INHBE: variants seen among roughly 807,000 people sequenced by gnomAD.
INHBE encodes inhibin subunit beta E, also known as inhibin beta E chain.
A neutral mutation model predicts 27.8 loss-of-function variants in INHBE; 19 were observed. That is an observed-to-expected ratio of 0.68 (90% CI 0.48 to 1.00). The LOEUF is 1.00. Among genes scored for constraint, INHBE ranks in the 50% least tolerant of loss-of-function variants. The pLI, the probability that INHBE is intolerant of heterozygous loss-of-function variation, is 0.00. For missense variants in INHBE, 398 were observed against 433.9 expected (o/e 0.92, Z 0.73); for synonymous variants, 196 against 187.2 (o/e 1.05, Z -0.38).
Position 57,456,689 on chromosome 12 carries a change from C to G in INHBE, c.894C>G (p.Val298=). 1 of 1,614,244 alleles carries G rather than the reference C, an allele frequency of 6.2e-7. No individual in the cohort carries two copies. Among genetic ancestry groups the G allele is most frequent in the Non-Finnish European group, 8.5e-7 (1 of 1,180,054 alleles). The change falls in exon 2 of 2, where the codon GTC becomes GTG. Residue 298 remains valine, a synonymous_variant. Transcript: ENST00000266646. ...TTGCTGCCTCTTTCCATTCTGCCGT[C>G]TTCAGCCTCCTCAAAGCCAACAATC... ...PGIAASFHSA[V]FSLLKANNPW...
In INHBE at chr12:57,457,094, A is replaced by T; in HGVS notation, c.*246A>T. ...TTCTTCTAAAGGGGTCTACCCAGAA[A>T]GCATGATTTCCTGCCCTAAGTCCTG... On this transcript the variant is annotated 3_prime_UTR_variant, in exon 2 of 2. Coordinates refer to ENST00000266646, the MANE Select transcript of INHBE (RefSeq NM_031479.5). 2.5e-6 allele frequency: 1 copy of T among 405,172 alleles called. No homozygotes were observed. Among genetic ancestry groups the T allele is most frequent in the Non-Finnish European group, 4.5e-6 (1 of 222,280 alleles). The allele number at this position is 405,172 out of a possible 1,614,324, so 25.1% of individuals were successfully genotyped here.
rs758073573 is a variant in INHBE at position 57,456,316 on chromosome 12, C to T, written c.521C>T (p.Pro174Leu). ...TNLGWHTLTL[P>L]SSGLRGEKSG... ...CTGGGCTGGCATACCTTAACTCTGC[C>T]CTCTAGTGGCTTGAGGGGTGAGAAG... Residue 174 changes from proline to leucine, a missense_variant, in exon 2 of 2, where the codon CCC (proline) becomes CTC (leucine). Transcript: ENST00000266646. 46 of 1,614,058 alleles carry T rather than the reference C, an allele frequency of 2.8e-5. No individual in the cohort carries two copies. The highest frequency in any genetic ancestry group is 3.7e-5 in the Non-Finnish European group (44 of 1,180,030).
At chr12:57,456,071 T>C (rs199733147) in intron 1 of INHBE, 23 bp from the exon 2 acceptor site, 1 of 1,588,750 alleles carries the variant, frequency 6.3e-7, no homozygotes, top group Non-Finnish European at 8.6e-7. Flanking sequence ...ACATTTTCTT[T>C]CCCTTTTCTG....
chr12:57,457,110 C>A lies in INHBE; in HGVS notation c.*262C>A. ...TACCCAGAAAGCATGATTTCCTGCC[C>A]TAAGTCCTGTGAGAAGATGTCAGGG... On this transcript the variant is annotated 3_prime_UTR_variant, in exon 2 of 2. Coordinates refer to ENST00000266646, the MANE Select transcript of INHBE (RefSeq NM_031479.5). The A allele has an allele frequency of 3.2e-6, 1 of 312,786 alleles. No individual in the cohort carries two copies. Among genetic ancestry groups the A allele is most frequent in the Non-Finnish European group, 6.1e-6 (1 of 165,028 alleles). The allele number at this position is 312,786 out of a possible 1,614,324, so 19.4% of individuals were successfully genotyped here.
chr12:57,456,894 C>G lies in INHBE; in HGVS notation c.*46C>G. ...GAGTGAAGAGACCAAGATGAAGTTTCCCAGGCACAGGGCATCTGTGACTGG... is the reference window on the plus strand; with the variant it reads ...GAGTGAAGAGACCAAGATGAAGTTTGCCAGGCACAGGGCATCTGTGACTGG... On this transcript the variant is annotated 3_prime_UTR_variant, in exon 2 of 2. Coordinates refer to ENST00000266646, the MANE Select transcript of INHBE (RefSeq NM_031479.5). The G allele has an allele frequency of 3.8e-6, 6 of 1,567,414 alleles. No homozygotes were observed. The highest frequency in any genetic ancestry group is 5.2e-6 in the Non-Finnish European group (6 of 1,155,996).
At chr12:57,455,942 G>C (rs764600775) in intron 1 of INHBE, 108 bp downstream of exon 1, 72 of 1,378,136 alleles carry the variant, frequency 5.2e-5, no homozygotes, top group Non-Finnish European at 7.1e-5. Context: ...AGAAGGAGGA[G>C]CTGGGGCAGG....
chr12:57,456,091 C>A lies in INHBE; in HGVS notation c.299-3C>A. 6.2e-7 allele frequency: 1 copy of A among 1,602,286 alleles called. No individual in the cohort carries two copies. ...TTCTTTCCCTTTTCTGTCTTTCGGG[C>A]AGACTCCACTTCAGCCTACAGCTCC... is the stretch of plus-strand genomic sequence containing the variant. On this transcript the variant is annotated splice_region_variant and splice_polypyrimidine_tract_variant and intron_variant, in intron 1 of 1. Coordinates refer to ENST00000266646, the MANE Select transcript of INHBE (RefSeq NM_031479.5).
In INHBE at chr12:57,456,749, T is replaced by C. The variant is rs1870846256; in HGVS notation, c.954T>C (p.Thr318=). The C allele has an allele frequency of 6.2e-7, 1 of 1,614,240 alleles. No homozygotes were observed. Residue 318 remains threonine (T), a synonymous_variant, in exon 2 of 2, where the codon ACT becomes ACC. Coordinates refer to ENST00000266646, the MANE Select transcript of INHBE (RefSeq NM_031479.5). The stretch of plus-strand genomic sequence containing the variant: ...CCAGTACCTCCTGTTGTGTCCCTAC[T>C]GCCCGAAGGCCCCTCTCTCTCCTCT... The part of the protein sequence containing the change: ...WPASTSCCVP[T]ARRPLSLLYL...
rs1278567250 is a variant in INHBE, at chr12:57,456,633, T to C, written c.838T>C (p.Cys280Arg). 2 of 1,614,162 alleles carry C rather than the reference T, an allele frequency of 1.2e-6. No homozygotes were observed. The highest frequency in any genetic ancestry group is 1.7e-5 in the Admixed American group (1 of 60,026). The change falls in exon 2 of 2, where the codon TGC (cysteine) becomes CGC (arginine). Residue 280 changes from cysteine to arginine, a missense_variant. Coordinates refer to ENST00000266646, the MANE Select transcript of INHBE (RefSeq NM_031479.5). ...GYQLNYCSGQCPPHLAGSPGI... is the reference protein window; with the variant it reads ...GYQLNYCSGQRPPHLAGSPGI... The stretch of plus-strand genomic sequence containing the variant: ...CCAGCTGAATTACTGCAGTGGGCAG[T>C]GCCCTCCCCACCTGGCTGGCAGCCC...
Position 57,456,970 on chromosome 12 carries a change from T to C in INHBE, c.*122T>C. On this transcript the variant is annotated 3_prime_UTR_variant, in exon 2 of 2. Coordinates refer to ENST00000266646, the MANE Select transcript of INHBE (RefSeq NM_031479.5). ...CCAACCCAACAACCACCTGGCAATA[T>C]GACTCACTTGACCCCTATGGGACCC... is the stretch of plus-strand genomic sequence containing the variant. 9.0e-7 allele frequency: 1 copy of C among 1,107,568 alleles called. No homozygotes were observed. Among genetic ancestry groups the C allele is most frequent in the Non-Finnish European group, 1.3e-6 (1 of 780,456 alleles). 68.6% of individuals were successfully genotyped at this position (1,107,568 alleles called of 1,614,324 possible).
Position 57,456,341 on chromosome 12 carries a change from G to T in INHBE, c.546G>T (p.Lys182Asn). The change falls in exon 2 of 2, where the codon AAG (lysine) becomes AAT (asparagine). Residue 182 changes from lysine (K) to asparagine (N), a missense_variant. By Grantham distance (94) the Lys-to-Asn change is moderately conservative (BLOSUM62 0). Coordinates refer to ENST00000266646, the MANE Select transcript of INHBE (RefSeq NM_031479.5). Reference sequence around the variant, plus strand: ...CCTCTAGTGGCTTGAGGGGTGAGAAGTCTGGTGTCCTGAAACTGCAACTAG... The same window carrying T: ...CCTCTAGTGGCTTGAGGGGTGAGAATTCTGGTGTCCTGAAACTGCAACTAG... ...TLPSSGLRGEKSGVLKLQLDC... is the reference protein window; with the variant it reads ...TLPSSGLRGENSGVLKLQLDC... The T allele has an allele frequency of 6.2e-7, 1 of 1,614,134 alleles. No homozygotes were observed. The highest frequency in any genetic ancestry group is 8.5e-7 in the Non-Finnish European group (1 of 1,180,030).
rs1566553932 is a variant in INHBE, at chr12:57,456,520, CTGCGACCCCCTTATGT to C, written c.729_744del (p.Thr244GlyfsTer6). On this transcript the variant is annotated frameshift_variant, in exon 2 of 2. Transcript: ENST00000266646. LOFTEE classifies it high-confidence loss of function. ...AGGAGGAGGACCCCCACCTGTGAGC[CTGCGACCCCCTTATGT>C]TGCAGGCGAGACCATTACGTAGACT... 4 of 1,614,072 alleles carry C rather than the reference CTGCGACCCCCTTATGT, an allele frequency of 2.5e-6. No individual in the cohort carries two copies. Among genetic ancestry groups the C allele is most frequent in the Non-Finnish European group, 2.5e-6 (3 of 1,180,040 alleles).
At position 57,455,585 on chromosome 12, in the gene INHBE, G is replaced by A. The variant is rs143467096; in HGVS notation, c.49G>A (p.Val17Met). ...QLWLVLLWAL[V>M]RAQGTGSVCP... ...CTGGCTGGTGCTGCTGTGGGCACTGGTGCGAGCACAGGGGACAGGGTCTGT... is the reference window on the plus strand; with the variant it reads ...CTGGCTGGTGCTGCTGTGGGCACTGATGCGAGCACAGGGGACAGGGTCTGT... Residue 17 changes from valine (V) to methionine (M), a missense_variant, in exon 1 of 2, where the codon GTG (valine) becomes ATG (methionine). Coordinates refer to ENST00000266646, the MANE Select transcript of INHBE (RefSeq NM_031479.5). The A allele has an allele frequency of 3.1e-6, 5 of 1,613,702 alleles. No individual in the cohort carries two copies. The highest frequency in any genetic ancestry group is 3.4e-6 in the Non-Finnish European group (4 of 1,179,956).
chr12:57,457,152 G>A lies in INHBE; in HGVS notation c.*304G>A. 1.0e-5 allele frequency: 3 copies of A among 288,734 alleles called. No individual in the cohort carries two copies. The highest frequency in any genetic ancestry group is 6.2e-5 in the South Asian group (1 of 16,228). The allele number at this position is 288,734 out of a possible 1,614,324, so 17.9% of individuals were successfully genotyped here. A position where few individuals can be genotyped will look rare whatever the true frequency, so the allele number is the denominator to read the frequency against. Reference sequence around the variant, plus strand: ...ATGTCAGGGACTAGGGAGGGAGGGAGGGAAGGCAGAGAAAAATTACTTAGC... The same window carrying A: ...ATGTCAGGGACTAGGGAGGGAGGGAAGGAAGGCAGAGAAAAATTACTTAGC... On this transcript the variant is annotated 3_prime_UTR_variant, in exon 2 of 2. Coordinates refer to ENST00000266646, the MANE Select transcript of INHBE (RefSeq NM_031479.5).
At position 57,455,632 on chromosome 12, in the gene INHBE, C is replaced by T. The variant is rs746589836; in HGVS notation, c.96C>T (p.Ser32=). Residue 32 remains serine (S), a synonymous_variant, in exon 1 of 2, where the codon TCC becomes TCT. Coordinates refer to ENST00000266646, the MANE Select transcript of INHBE (RefSeq NM_031479.5). ...CTGTGTGTCCCTCCTGTGGGGGCTC[C>T]AAACTGGCACCCCAAGCAGAACGAG... is the stretch of plus-strand genomic sequence containing the variant. ...TGSVCPSCGG[S]KLAPQAERAL... is the part of the protein sequence containing the mutation. 1 of 1,614,074 alleles carries T rather than the reference C, an allele frequency of 6.2e-7. No individual in the cohort carries two copies. The highest frequency in any genetic ancestry group is 8.5e-7 in the Non-Finnish European group (1 of 1,180,000).
Position 57,456,587 on chromosome 12 carries a change from G to A in INHBE, c.792G>A (p.Trp264Ter). Residue 264 changes from tryptophan to a stop codon, truncating the protein, a stop_gained, in exon 2 of 2, where the codon TGG (tryptophan) becomes TGA (stop). Coordinates refer to ENST00000266646, the MANE Select transcript of INHBE (RefSeq NM_031479.5). LOFTEE classifies it high-confidence loss of function. ...VDFQELGWRD[W>*]ILQPEGYQLN... ...TCCAGGAACTGGGATGGCGGGACTG[G>A]ATACTGCAGCCCGAGGGGTACCAGC... 1 of 1,614,162 alleles carries A rather than the reference G, an allele frequency of 6.2e-7. No homozygotes were observed. The highest frequency in any genetic ancestry group is 8.5e-7 in the Non-Finnish European group (1 of 1,180,014).
In INHBE at chr12:57,456,259, G is replaced by A. The variant is rs371694136; in HGVS notation, c.464G>A (p.Arg155His). Residue 155 changes from arginine (R) to histidine (H), a missense_variant, in exon 2 of 2, where the codon CGC becomes CAC. Arg to His is a conservative substitution (Grantham distance 29). Transcript: ENST00000266646. ...CCAAGGAGGAGGCGCCAAGGGTCCC[G>A]CACTCTCCTGGCTGAGCACCACATC... ...WGPRRRRQGSRTLLAEHHITN... is the reference protein window; with the variant it reads ...WGPRRRRQGSHTLLAEHHITN... 3.1e-6 allele frequency: 5 copies of A among 1,613,960 alleles called. No individual in the cohort carries two copies. Among genetic ancestry groups the A allele is most frequent in the African/African-American group, 1.3e-5 (1 of 74,870 alleles).
chr12:57,456,108 T>C lies in INHBE; in HGVS notation c.313T>C (p.Tyr105His), dbSNP rs1870822298. 6.2e-7 allele frequency: 1 copy of C among 1,611,172 alleles called. No homozygotes were observed. The highest frequency in any genetic ancestry group is 8.5e-7 in the Non-Finnish European group (1 of 1,177,996). Residue 105 changes from tyrosine (Y) to histidine (H), a missense_variant, in exon 2 of 2, where the codon TAC (tyrosine) becomes CAC (histidine). Transcript: ENST00000266646. ...CTTTCGGGCAGACTCCACTTCAGCCTACAGCTCCCTGCTCACTTTTCACCT... is the reference window on the plus strand; with the variant it reads ...CTTTCGGGCAGACTCCACTTCAGCCCACAGCTCCCTGCTCACTTTTCACCT... ...FATVTDSTSA[Y>H]SSLLTFHLST...
rs1229969072 is a variant in INHBE, at chr12:57,455,597, G to A, written c.61G>A (p.Gly21Arg). ...VLLWALVRAQ[G>R]TGSVCPSCGG... ...GCTGTGGGCACTGGTGCGAGCACAGGGGACAGGGTCTGTGTGTCCCTCCTG... is the reference window on the plus strand; with the variant it reads ...GCTGTGGGCACTGGTGCGAGCACAGAGGACAGGGTCTGTGTGTCCCTCCTG... Residue 21 changes from glycine to arginine, a missense_variant, in exon 1 of 2, where the codon GGG becomes AGG. Gly to Arg is a moderately radical substitution (Grantham distance 125, BLOSUM62 -2). Coordinates refer to ENST00000266646, the MANE Select transcript of INHBE (RefSeq NM_031479.5). 3.7e-6 allele frequency: 6 copies of A among 1,613,962 alleles called. No individual in the cohort carries two copies. Among genetic ancestry groups the A allele is most frequent in the African/African-American group, 2.7e-5 (2 of 75,040 alleles).
Sources: gnomAD v4.1 joint callset for allele counts on GRCh38, gnomAD v4.1.1 for gene constraint, MANE v1.5 for transcripts, NCBI Gene and HGNC (gene_info 2026-07-23, HGNC 2026-07-21) for gene names.